Variants in TLN2 observed in about 807,000 individuals in gnomAD.
TLN2 encodes the protein talin-2.
TLN2 carries 118 observed loss-of-function variants against 294.7 expected under a neutral mutation model. That is an observed-to-expected ratio of 0.40 (90% CI 0.34 to 0.47). TLN2 has a LOEUF of 0.47. Ranked by LOEUF, TLN2 falls within the 20% of genes least tolerant of loss-of-function variation. TLN2 has a pLI of 0.84. For missense variants in TLN2, 3,083 were observed against 3,282.2 expected (o/e 0.94, Z 1.48); for synonymous variants, 1,431 against 1,304.5 (o/e 1.10, Z -2.09).
intron 1 of TLN2, among the ~76,000 whole-genome samples, chr15:62,450,254 G>A (rs191509703): frequency 2.0e-4 from 31 of 152,238 alleles, no homozygotes; most frequent in African/African-American, 6.7e-4. Flanking sequence ...GAGCATGAGC[G>A]GGGAATTGCT....
At chr15:62,781,922 A>G (rs369866702) in intron 44 of TLN2, among the ~76,000 whole-genome samples, 2 of 152,230 alleles carry the variant, frequency 1.3e-5, no homozygotes, top group African/African-American at 2.4e-5. Context: ...AGTGAATGCT[A>G]TCTGATATGT....
At chr15:62,504,596 G>A (rs775675440) in intron 1 of TLN2, among the ~76,000 whole-genome samples, 15 of 152,204 alleles carry the variant, frequency 9.9e-5, no homozygotes, top group Non-Finnish European at 1.9e-4. Flanking sequence ...TTTTCAACAA[G>A]TGATGCTGAA....
chr15:62,722,211 G>A, intron 25 of TLN2, 142 bp from the exon 26 acceptor site: 1 of 948,806 alleles, frequency 1.1e-6, no homozygotes, highest in African/African-American at 1.6e-5. Flanking sequence ...GGCAGTTTGG[G>A]AATAGGGGAT....
At chr15:62,755,378 C>A in intron 36 of TLN2, 154 bp from the exon 37 acceptor site, 2 of 899,490 alleles carry the variant, frequency 2.2e-6, no homozygotes, top group Non-Finnish European at 3.2e-6. Flanking sequence ...CCTCCTCTTT[C>A]TTGGAGTGAC....
intron 28 of TLN2, among the ~76,000 whole-genome samples, chr15:62,733,557 T>C (rs1213604139): frequency 1.3e-5 from 2 of 152,228 alleles, no homozygotes; most frequent in Non-Finnish European, 2.9e-5. Context: ...TGTAAATACT[T>C]TGGAACAGAT....
At chr15:62,513,394 G>C (rs1002094262) in intron 1 of TLN2, among the ~76,000 whole-genome samples, 1 of 152,222 alleles carries the variant, frequency 6.6e-6, no homozygotes, top group Non-Finnish European at 1.5e-5. Flanking sequence ...TTCCTGCTCA[G>C]CATCTGTGAT....
intron 3 of TLN2, among the ~76,000 whole-genome samples, chr15:62,635,995 G>A (rs1423802108): frequency 2.6e-5 from 4 of 152,094 alleles, no homozygotes; most frequent in Non-Finnish European, 4.4e-5. Context: ...CTGCTTGGGC[G>A]AAGTCTAAAC....
intron 52 of TLN2, 68 bp downstream of exon 52, chr15:62,810,100 C>A (rs1030659389): frequency 3.0e-6 from 4 of 1,321,428 alleles, no homozygotes; most frequent in Admixed American, 1.8e-5. Context: ...CTGATTCAAA[C>A]TATGCTTTCC....
chr15:62,614,882 T>A (rs956197001), intron 2 of TLN2, among the ~76,000 whole-genome samples: 1 of 152,162 alleles, frequency 6.6e-6, no homozygotes, highest in African/African-American at 2.4e-5. Flanking sequence ...CTTGGCTCAC[T>A]GCAACCCCCG....
At position 62,838,717 on chromosome 15, in the gene TLN2, C is replaced by T. The variant is rs183672964; in HGVS notation, c.7375-139C>T. On this transcript the variant is annotated intron_variant, in intron 57 of 58. Coordinates refer to ENST00000636159, the MANE Select transcript of TLN2 (RefSeq NM_015059.3). Reference sequence around the variant, plus strand: ...GGATGGATGGACAGACAGATGGGTACTCTCTGGCTACAGAACTTGATGTTA... The same window carrying T: ...GGATGGATGGACAGACAGATGGGTATTCTCTGGCTACAGAACTTGATGTTA... 1.4e-4 allele frequency: 161 copies of T among 1,145,164 alleles called. No individual in the cohort carries two copies. The African/African-American group carries it at 2.3e-3, about 16-fold the overall frequency. 70.9% of individuals were successfully genotyped at this position (1,145,164 alleles called of 1,614,324 possible). A position where few individuals can be genotyped will look rare whatever the true frequency, so the allele number is the denominator to read the frequency against.
At chr15:62,783,721 CTGTGTGTGTGTGTG>C in intron 44 of TLN2, 36 bp from the exon 45 acceptor site, 2 of 1,244,446 alleles carry the variant, frequency 1.6e-6, no homozygotes, top group Non-Finnish European at 1.1e-6. Flanking sequence ...GCGTTTCTCT[CTGTGTGTGTGTGTG>C]TGTGTGTGTG....
intron 1 of TLN2, among the ~76,000 whole-genome samples, chr15:62,546,975 A>G (rs966588261): frequency 6.6e-6 from 1 of 152,182 alleles, no homozygotes; most frequent in Non-Finnish European, 1.5e-5. Flanking sequence ...TTGAGAACCT[A>G]TTTAGGAACC....
At chr15:62,708,042 C>A (rs1422147255) in intron 20 of TLN2, among the ~76,000 whole-genome samples, 1 of 151,892 alleles carries the variant, frequency 6.6e-6, no homozygotes, top group East Asian at 1.9e-4. Context: ...CTAGAATTTA[C>A]AAGGAACTGA....
At position 62,707,210 on chromosome 15, in the gene TLN2, C is replaced by A; in HGVS notation, c.2129C>A (p.Thr710Asn). 11 of 1,613,694 alleles carry A rather than the reference C, an allele frequency of 6.8e-6. No homozygotes were observed. The highest frequency in any genetic ancestry group is 9.3e-6 in the Non-Finnish European group (11 of 1,179,778). The change falls in exon 20 of 59, where the codon ACC (threonine) becomes AAC (asparagine). Residue 710 changes from threonine to asparagine, a missense_variant. Coordinates refer to ENST00000636159, the MANE Select transcript of TLN2 (RefSeq NM_015059.3). Reference sequence around the variant, plus strand: ...CAGAACAGGGTAATTGCTGCTGCCACCCAGTGTGCCCTCTCCACCTCCCAG... The same window carrying A: ...CAGAACAGGGTAATTGCTGCTGCCAACCAGTGTGCCCTCTCCACCTCCCAG... ...VLQNRVIAAA[T>N]QCALSTSQLV...
chr15:62,442,154 C>T (rs1190058621), intron 1 of TLN2, among the ~76,000 whole-genome samples: 9 of 151,946 alleles, frequency 5.9e-5, no homozygotes, highest in South Asian at 4.2e-4. Flanking sequence ...GAACTGAGCC[C>T]GCCACCCCGA....
At chr15:62,776,006 G>T (rs1314531891) in intron 42 of TLN2, among the ~76,000 whole-genome samples, 1 of 152,242 alleles carries the variant, frequency 6.6e-6, no homozygotes, top group African/African-American at 2.4e-5. Flanking sequence ...TTAGCCAGCA[G>T]TGGAGCCAGA....
chr15:62,835,487 C>G, intron 55 of TLN2: 1 of 566,362 alleles, frequency 1.8e-6, no homozygotes, highest in Admixed American at 3.1e-5. Flanking sequence ...TACCTGGAAG[C>G]TAAGTGGAGC....
intron 35 of TLN2, among the ~76,000 whole-genome samples, chr15:62,753,463 G>A (rs1332399389): frequency 6.6e-6 from 1 of 152,166 alleles, no homozygotes; most frequent in East Asian, 1.9e-4. Flanking sequence ...ATCACAAGAT[G>A]GCTGCCAGAG....
chr15:62,821,177 T>C (rs1244264558), intron 54 of TLN2, among the ~76,000 whole-genome samples: 3 of 152,242 alleles, frequency 2.0e-5, no homozygotes, highest in Non-Finnish European at 2.9e-5. Context: ...GAGATACTTT[T>C]AGATTAGGCA....
Sources: gnomAD v4.1 joint callset for allele counts (sites outside exome capture counted in the v4.1 genomes callset) on GRCh38, gnomAD v4.1.1 for gene constraint, MANE v1.5 for transcripts, NCBI Gene and HGNC (gene_info 2026-07-23, HGNC 2026-07-21) for gene names.